Variants in DISC1 observed in about 807,000 individuals in gnomAD.
The protein encoded by DISC1 is disrupted in schizophrenia 1 protein.
Under a neutral mutation model 84.5 loss-of-function variants are expected in DISC1, and 57 were observed. That is an observed-to-expected ratio of 0.67 (90% confidence interval 0.55 to 0.84). DISC1 has a LOEUF of 0.84. Ranked by LOEUF, DISC1 falls within the 40% of genes least tolerant of loss-of-function variation. The pLI is 0.00. For synonymous variants in DISC1, 411 were observed against 415.2 expected (o/e 0.99, Z 0.12); for missense variants, 1,000 against 1,057.8 (o/e 0.95, Z 0.76).
intron 3 of DISC1, among the ~76,000 whole-genome samples, chr1:231,711,629 A>C (rs1208830245): frequency 6.6e-6 from 1 of 151,916 alleles, no homozygotes; most frequent in Non-Finnish European, 1.5e-5. Context: ...TGGCTTCCCA[A>C]AGTGCTGAGA....
At chr1:231,845,745 G>C (rs1037882219) in intron 9 of DISC1, among the ~76,000 whole-genome samples, 4 of 152,134 alleles carry the variant, frequency 2.6e-5, no homozygotes, top group African/African-American at 9.7e-5. Context: ...GAGGGAAAGT[G>C]ATAGGTTGAG....
chr1:231,899,534 A>G (rs1334010257), intron 9 of DISC1, among the ~76,000 whole-genome samples: 1 of 152,206 alleles, frequency 6.6e-6, no homozygotes, highest in Admixed American at 6.5e-5. Context: ...AAAATGCTGC[A>G]TCTGGTTTGG....
intron 1 of DISC1, among the ~76,000 whole-genome samples, chr1:231,645,760 C>T (rs1300969794): frequency 3.3e-5 from 5 of 151,764 alleles, no homozygotes; most frequent in Non-Finnish European, 7.4e-5. Flanking sequence ...AGAACATGCA[C>T]TGTTCGGTTT....
chr1:231,916,318 G>C (rs2089615378), intron 9 of DISC1, among the ~76,000 whole-genome samples: 1 of 152,102 alleles, frequency 6.6e-6, no homozygotes, highest in Admixed American at 6.6e-5. Flanking sequence ...TTTAACCTGA[G>C]GCTTATTTGA....
At chr1:231,849,295 T>C (rs1331568785) in intron 9 of DISC1, among the ~76,000 whole-genome samples, 1 of 152,144 alleles carries the variant, frequency 6.6e-6, no homozygotes, top group Admixed American at 6.5e-5. Flanking sequence ...TAATTGTGTA[T>C]TTTTAGTAGA....
At position 231,675,711 on chromosome 1, in the gene DISC1, T is replaced by G. The variant is rs955310825; in HGVS notation, c.68-18115T>G. Among the ~76,000 whole-genome samples, 2 of 152,174 alleles carry G rather than the reference T, an allele frequency of 1.3e-5. No homozygotes were observed. Among genetic ancestry groups the G allele is most frequent in the African/African-American group, 4.8e-5 (2 of 41,448 alleles). ...GGGCTCTCTGGATGAGGGCTTTCTC[T>G]GTCTTTGTCTTCTCTTGTCTTCGAG... On this transcript the variant is annotated intron_variant, in intron 1 of 12. Transcript: ENST00000439617. This position sits in a 1 kb window ranked among gnomAD's most constrained non-coding sequence, Gnocchi z 4.1.
rs548830753 is a variant in DISC1, at chr1:231,628,017, C to T, written c.67+1083C>T. On this transcript the variant is annotated intron_variant, in intron 1 of 12. Transcript: ENST00000439617. ...CTGTGATGGTGGAAGTGAAGCACCT[C>T]GCCCAATGCCTGAAATACCCAGTGC... 4.6e-5 allele frequency among the ~76,000 whole-genome samples: 7 copies of T among 152,276 alleles called. No individual in the cohort carries two copies. The East Asian group carries it at 9.6e-4, about 21-fold the overall frequency.
intron 10 of DISC1, among the ~76,000 whole-genome samples, chr1:231,960,872 A>G (rs953342361): frequency 7.2e-5 from 11 of 152,354 alleles, no homozygotes; most frequent in Middle Eastern, 6.8e-3. Flanking sequence ...TGACCAACCA[A>G]CTAGAAATTG....
chr1:231,825,618 T>C (rs193258828), intron 9 of DISC1, among the ~76,000 whole-genome samples: 1 of 152,330 alleles, frequency 6.6e-6, no homozygotes, highest in Non-Finnish European at 1.5e-5. Flanking sequence ...CTATCATGTA[T>C]TGCAGAACAT....
intron 1 of DISC1, among the ~76,000 whole-genome samples, chr1:231,634,733 T>C (rs2059044225): frequency 6.6e-6 from 1 of 152,140 alleles, no homozygotes; most frequent in Non-Finnish European, 1.5e-5. Flanking sequence ...AGTACAGTGT[T>C]GTACATTGCA....
chr1:231,764,167 C>T (rs1366546282), intron 4 of DISC1, among the ~76,000 whole-genome samples: 1 of 152,124 alleles, frequency 6.6e-6, no homozygotes, highest in African/African-American at 2.4e-5. Flanking sequence ...GAGTTTATGC[C>T]TCCAAGTGTC....
intron 1 of DISC1, among the ~76,000 whole-genome samples, chr1:231,652,549 A>C (rs2060722226): frequency 6.6e-6 from 1 of 152,200 alleles, no homozygotes; most frequent in East Asian, 1.9e-4. Flanking sequence ...GCATTGTAAA[A>C]AGTCAAACAA....
At chr1:231,694,977 T>A (rs1558355992) in intron 2 of DISC1, among the ~76,000 whole-genome samples, 172 bp downstream of exon 2, 1 of 152,120 alleles carries the variant, frequency 6.6e-6, no homozygotes, top group Non-Finnish European at 1.5e-5. Context: ...TCTCTTTGAA[T>A]TGGACACAGA....
chr1:231,894,941 A>C (rs2087568420), intron 9 of DISC1, among the ~76,000 whole-genome samples: 1 of 152,012 alleles, frequency 6.6e-6, no homozygotes, highest in Non-Finnish European at 1.5e-5. Context: ...ACCCACACAC[A>C]CACACACGGA....
intron 9 of DISC1, among the ~76,000 whole-genome samples, chr1:231,941,515 CAGGCTGG>C (rs2126132507): frequency 6.6e-6 from 1 of 151,678 alleles, no homozygotes; most frequent in South Asian, 2.1e-4. Flanking sequence ...GCTCTGTCAC[CAGGCTGG>C]AGTGCAGTGG....
At chr1:231,905,589 T>C (rs777970087) in intron 9 of DISC1, among the ~76,000 whole-genome samples, 9 of 152,046 alleles carry the variant, frequency 5.9e-5, no homozygotes, top group Non-Finnish European at 1.3e-4. Context: ...GTCACTGCAT[T>C]CCAGCCTGAG....
chr1:231,796,021 A>G lies in DISC1; in HGVS notation c.1689+725A>G, dbSNP rs1210875784. ...GTTTTTTTGTTCTTTAAAGCTTTTC[A>G]GTTGGCTTGACAATCATTTTGCCTA... On this transcript the variant is annotated intron_variant, in intron 7 of 12. Transcript: ENST00000439617. 2.0e-5 allele frequency among the ~76,000 whole-genome samples: 3 copies of G among 152,174 alleles called. 1 individual carries two copies. The East Asian group carries it at 5.8e-4, about 29-fold the overall frequency.
intron 3 of DISC1, among the ~76,000 whole-genome samples, chr1:231,705,144 C>T (rs997148337): frequency 1.3e-5 from 2 of 150,846 alleles, no homozygotes; most frequent in African/African-American, 4.9e-5. Flanking sequence ...AAAAATTAGC[C>T]GGGCATGGTA....
intron 11 of DISC1, among the ~76,000 whole-genome samples, chr1:232,014,178 T>C (rs1292445366): frequency 1.3e-5 from 2 of 152,216 alleles, no homozygotes; most frequent in Admixed American, 6.5e-5. Flanking sequence ...AATGTCTTTA[T>C]TGGGCAAAAG....
Sources: allele counts gnomAD v4.1 joint callset (sites outside exome capture counted in the v4.1 genomes callset), GRCh38; gene constraint gnomAD v4.1.1; non-coding constraint Gnocchi (gnomAD v3.1); transcripts MANE v1.5; gene names NCBI Gene and HGNC (gene_info 2026-07-23, HGNC 2026-07-21).